EFHD1: variants seen among roughly 807,000 people sequenced by gnomAD.
EFHD1 encodes the protein EF-hand domain family member D1.
Under a neutral mutation model 17.2 loss-of-function variants are expected in EFHD1, and 10 were observed. The ratio of observed to expected loss-of-function variants is 0.58; its 90% CI spans 0.36 to 0.99. The LOEUF (loss-of-function observed/expected upper bound fraction) is 0.99. Among genes scored for constraint, EFHD1 ranks in the 50% least tolerant of loss-of-function variants. The pLI is 0.01. For synonymous variants in EFHD1, 153 were observed against 142.0 expected (o/e 1.08, Z -0.55); for missense variants, 310 against 327.5 (o/e 0.95, Z 0.41).
At chr2:232,659,175 G>A (rs546555948) in intron 1 of EFHD1, among the ~76,000 whole-genome samples, 2 of 152,198 alleles carry the variant, frequency 1.3e-5, no homozygotes, top group Non-Finnish European at 2.9e-5. Context: ...GCCACCCAGC[G>A]ATCTTGTCTG....
At chr2:232,627,799 T>G (rs1694135411) in intron 1 of EFHD1, among the ~76,000 whole-genome samples, 1 of 152,166 alleles carries the variant, frequency 6.6e-6, no homozygotes, top group Middle Eastern at 3.2e-3. Flanking sequence ...AATGGCTTAT[T>G]ATTATATTAT....
intron 3 of EFHD1, among the ~76,000 whole-genome samples, chr2:232,675,968 G>A (rs1695163716): frequency 6.6e-6 from 1 of 152,094 alleles, no homozygotes; most frequent in Non-Finnish European, 1.5e-5. Context: ...TTGAGGTTAG[G>A]AGTTTGAGAC....
At chr2:232,660,775 C>T (rs1279707386) in intron 1 of EFHD1, among the ~76,000 whole-genome samples, 2 of 151,954 alleles carry the variant, frequency 1.3e-5, no homozygotes, top group Admixed American at 6.6e-5. Context: ...GTCAGGTGTT[C>T]GAGACCAGCC....
At chr2:232,606,242 T>C in intron 1 of EFHD1, 1 of 1,521,650 alleles carries the variant, frequency 6.6e-7, no homozygotes, top group South Asian at 1.2e-5. Context: ...AGGCGATTTT[T>C]ACTCTGGTCC....
upstream of EFHD1, among the ~76,000 whole-genome samples, chr2:232,631,702 A>C (rs1167735813): frequency 1.4e-5 from 2 of 140,320 alleles, no homozygotes; most frequent in East Asian, 2.0e-4. Flanking sequence ...AAAAAAAAAA[A>C]AAAACAAAAA....
chr2:232,677,242 G>A (rs150748681), intron 3 of EFHD1, among the ~76,000 whole-genome samples: 28 of 93,742 alleles, frequency 3.0e-4, no homozygotes, highest in East Asian at 1.1e-3. Flanking sequence ...ACACACACAC[G>A]TACACACACA....
chr2:232,667,540 AATTTATTTATTT>A (rs944462027), intron 2 of EFHD1, among the ~76,000 whole-genome samples: 370 of 150,382 alleles, frequency 2.5e-3, no homozygotes, highest in Non-Finnish European at 4.1e-3. Flanking sequence ...TTAATTAATT[AATTTATTTATTT>A]ATTTATTTAT....
intron 2 of EFHD1, among the ~76,000 whole-genome samples, 190 bp downstream of exon 2, chr2:232,663,139 TG>T (rs1367365769): frequency 6.6e-6 from 1 of 152,198 alleles, no homozygotes; most frequent in Non-Finnish European, 1.5e-5. Flanking sequence ...AAAAGCAGCA[TG>T]GGTAGTAGTA....
At chr2:232,661,319 C>G (rs1238665699) in intron 1 of EFHD1, among the ~76,000 whole-genome samples, 1 of 152,088 alleles carries the variant, frequency 6.6e-6, no homozygotes, top group Non-Finnish European at 1.5e-5. Flanking sequence ...CCATGCCCCT[C>G]TCTCCCAGCC....
chr2:232,664,615 T>TG (rs1694936549), intron 2 of EFHD1, among the ~76,000 whole-genome samples: 1 of 135,694 alleles, frequency 7.4e-6, no homozygotes, highest in Non-Finnish European at 1.6e-5. Flanking sequence ...AGTTTTTTTT[T>TG]TTTTTTTTTT....
chr2:232,653,154 C>T (rs538704981), intron 1 of EFHD1, among the ~76,000 whole-genome samples: 44 of 152,104 alleles, frequency 2.9e-4, no homozygotes, highest in African/African-American at 8.9e-4. Context: ...CCACCACGCC[C>T]GGCTAATTTT....
upstream of EFHD1, among the ~76,000 whole-genome samples, chr2:232,630,764 T>A (rs1252560535): frequency 1.6e-5 from 2 of 122,166 alleles, no homozygotes; most frequent in Admixed American, 9.3e-5. Context: ...CTGGGCAACA[T>A]AGAGAGATCT....
At chr2:232,622,388 G>A (rs1042243196) in intron 1 of EFHD1, among the ~76,000 whole-genome samples, 11 of 151,112 alleles carry the variant, frequency 7.3e-5, no homozygotes, top group Non-Finnish European at 1.5e-4. Flanking sequence ...AGAATTGCTT[G>A]AACCTGGGAG....
intron 1 of EFHD1, among the ~76,000 whole-genome samples, chr2:232,657,896 TTTC>T (rs1457203755): frequency 3.0e-5 from 4 of 133,850 alleles, no homozygotes; most frequent in African/African-American, 7.9e-5. Context: ...TTTTCTTTCT[TTTC>T]TTTTTTTTTT....
Position 232,681,712 on chromosome 2 carries a change from A to T in EFHD1, c.713A>T (p.Asn238Ile), listed in dbSNP as rs751526786. The T allele has an allele frequency of 6.2e-7, 1 of 1,614,102 alleles. No homozygotes were observed. Among genetic ancestry groups the T allele is most frequent in the East Asian group, 2.2e-5 (1 of 44,878 alleles). Residue 238 changes from asparagine to isoleucine, a missense_variant, in exon 4 of 4, where the codon AAT becomes ATT. By Grantham distance (149) the Asn-to-Ile change is moderately radical. Coordinates refer to ENST00000264059, the MANE Select transcript of EFHD1 (RefSeq NM_025202.4). ...TTCCAGAAACTCAAGGCCAACTTCA[A>T]TACATAGTCCTGCTGACCTTGCCCT... ...AAFQKLKANF[N>I]T
intron 1 of EFHD1, among the ~76,000 whole-genome samples, chr2:232,621,513 C>T (rs1223639858): frequency 6.6e-6 from 1 of 152,068 alleles, no homozygotes; most frequent in African/African-American, 2.4e-5. Flanking sequence ...AGTGCAGTGG[C>T]GCAATCTCAG....
At chr2:232,642,960 T>C (rs1694459607) in intron 1 of EFHD1, among the ~76,000 whole-genome samples, 1 of 152,194 alleles carries the variant, frequency 6.6e-6, no homozygotes, top group Admixed American at 6.5e-5. Context: ...ATGGATCATC[T>C]CATGGATGAG....
rs542421432 is a variant in EFHD1 at position 232,669,757 on chromosome 2, C to T, written c.451-2552C>T. Among the ~76,000 whole-genome samples the T allele has an allele frequency of 5.9e-5, 9 of 152,186 alleles. 1 individual carries two copies. In the South Asian group the frequency reaches 6.2e-4, roughly 11 times the overall value. On this transcript the variant is annotated intron_variant, in intron 2 of 3. Coordinates refer to ENST00000264059, the MANE Select transcript of EFHD1 (RefSeq NM_025202.4). The stretch of plus-strand genomic sequence containing the variant: ...CTGGGATTATAGGCAGGCACCACCA[C>T]GCCCGGCTAATCTTTGTATTTTTAG...
chr2:232,645,826 A>G (rs559114234), intron 1 of EFHD1, among the ~76,000 whole-genome samples: 3 of 152,206 alleles, frequency 2.0e-5, no homozygotes, highest in Non-Finnish European at 4.4e-5. Flanking sequence ...GAACTCGCCT[A>G]AAGTCACACA....
Sources: allele counts gnomAD v4.1 joint callset (sites outside exome capture counted in the v4.1 genomes callset), GRCh38; gene constraint gnomAD v4.1.1; transcripts MANE v1.5; gene names NCBI Gene and HGNC (gene_info 2026-07-23, HGNC 2026-07-21).